RBM25: variants seen among roughly 807,000 people sequenced by gnomAD.
RBM25 encodes the protein RNA-binding protein 25.
In RBM25, 19 loss-of-function variants were observed where a neutral mutation model predicts 120.7. The observed-to-expected ratio is 0.16, with a 90% CI of 0.11 to 0.23. The LOEUF (loss-of-function observed/expected upper bound fraction) is 0.23, where lower values mean the gene tolerates loss of function less well. RBM25 is among the 10% of genes least tolerant of loss of function. RBM25 has a pLI of 1.00. For missense variants in RBM25, 605 were observed against 1,041.5 expected (o/e 0.58, Z 5.77); for synonymous variants, 390 against 326.7 (o/e 1.19, Z -2.09).
At chr14:73,068,680 C>G in intron 1 of RBM25, 1 of 335,612 alleles carries the variant, frequency 3.0e-6, no homozygotes, top group East Asian at 6.9e-5. Flanking sequence ...GCTTCCTTGG[C>G]TGGACTGCAG....
At chr14:73,075,619 CAT>C (rs930896794) in intron 2 of RBM25, among the ~76,000 whole-genome samples, 25 of 152,126 alleles carry the variant, frequency 1.6e-4, no homozygotes, top group African/African-American at 3.9e-4. Flanking sequence ...TTTGAAATAA[CAT>C]ATGTTGTGGA....
rs191820836 is a variant in RBM25 at position 73,105,720 on chromosome 14, A to C, written c.1155-139A>C. 124 of 1,329,672 alleles carry C rather than the reference A, an allele frequency of 9.3e-5. 1 individual carries two copies. The East Asian group carries it at 2.9e-3, about 32-fold the overall frequency. 82.4% of individuals were successfully genotyped at this position (1,329,672 alleles called of 1,614,324 possible). ...TTCTGATGAGTGTAGAGGAGGTTACATAGTTTTATGGAAATCAAGTGCTAG... is the reference window on the plus strand; with the variant it reads ...TTCTGATGAGTGTAGAGGAGGTTACCTAGTTTTATGGAAATCAAGTGCTAG... On this transcript the variant is annotated intron_variant, in intron 10 of 18. Coordinates refer to ENST00000261973, the MANE Select transcript of RBM25 (RefSeq NM_021239.3).
chr14:73,087,959 A>T (rs1408745806), intron 5 of RBM25, 42 bp from the exon 6 acceptor site: 1 of 1,570,666 alleles, frequency 6.4e-7, no homozygotes, highest in Non-Finnish European at 8.6e-7. Context: ...TTTCTTTTGT[A>T]AGTGAATTGG....
In RBM25 at chr14:73,099,396, C is replaced by T; in HGVS notation, c.746C>T (p.Pro249Leu). 1 of 1,600,064 alleles carries T rather than the reference C, an allele frequency of 6.2e-7. No homozygotes were observed. Among genetic ancestry groups the T allele is most frequent in the African/African-American group, 1.4e-5 (1 of 73,746 alleles). ...TTTTCACAGATTTTCCGCAGATTTC[C>T]AGTGGCCCCACTGATCCCTTATCCA... ...EKKEDIFRRF[P>L]VAPLIPYPLI... is the part of the protein sequence containing the mutation. Residue 249 changes from proline (P) to leucine (L), a missense_variant, in exon 8 of 19, where the codon CCA becomes CTA. By Grantham distance (98) the Pro-to-Leu change is moderately conservative. Coordinates refer to ENST00000261973, the MANE Select transcript of RBM25 (RefSeq NM_021239.3).
rs1028072863 is a variant in RBM25 at position 73,110,946 on chromosome 14, A to C, written c.1808A>C (p.Glu603Ala). The change falls in exon 15 of 19, where the codon GAG (glutamate) becomes GCG (alanine). Residue 603 changes from glutamate (E) to alanine (A), a missense_variant. By Grantham distance (107) the Glu-to-Ala change is moderately radical. Around this residue, in one of 4 missense-constraint regions of RBM25, gnomAD observed 465 missense variants for 741.6 expected, o/e 0.63. Transcript: ENST00000261973. ...KEEKREEPME[E>A]EEEPEQKPCL... ...GAAAAACGAGAAGAACCCATGGAAG[A>C]GGAAGAGGAGCCAGAGCAAAAGCCT... is the stretch of plus-strand genomic sequence containing the variant. 4 of 1,612,586 alleles carry C rather than the reference A, an allele frequency of 2.5e-6. No individual in the cohort carries two copies. Among genetic ancestry groups the C allele is most frequent in the Non-Finnish European group, 3.4e-6 (4 of 1,179,220 alleles).
rs556226925 is a variant in RBM25 at position 73,088,398 on chromosome 14, G to A, written c.543+237G>A. The A allele has an allele frequency of 3.8e-4, 240 of 626,650 alleles. 3 individuals carry two copies. Among genetic ancestry groups the A allele is most frequent in the South Asian group, 3.6e-3 (238 of 66,240 alleles). The allele number at this position is 626,650 out of a possible 1,614,324, so 38.8% of individuals were successfully genotyped here. A position where few individuals can be genotyped will look rare whatever the true frequency, so the allele number is the denominator to read the frequency against. On this transcript the variant is annotated intron_variant, in intron 6 of 18. Coordinates refer to ENST00000261973, the MANE Select transcript of RBM25 (RefSeq NM_021239.3). ...GGGATGAAAGTAGTAAGGGAGGCTGGACAAGGTTAACTTGCCAGAGAAAGC... is the reference window on the plus strand; with the variant it reads ...GGGATGAAAGTAGTAAGGGAGGCTGAACAAGGTTAACTTGCCAGAGAAAGC...
chr14:73,104,914 A>G (rs1028266371), intron 10 of RBM25, among the ~76,000 whole-genome samples: 1 of 152,110 alleles, frequency 6.6e-6, no homozygotes, highest in African/African-American at 2.4e-5. Context: ...AGTAGGCATT[A>G]AAATTATTTC....
rs573136943 is a variant in RBM25 at position 73,070,697 on chromosome 14, C to A, written c.-15-930C>A. On this transcript the variant is annotated intron_variant, in intron 1 of 18. Transcript: ENST00000261973. ...GGCGCGGTGGCTCAGGCCTGTAATC[C>A]TAGCGCTTTGGGAAGCTGAGTCAGG... Among the ~76,000 whole-genome samples the A allele has an allele frequency of 2.6e-5, 4 of 152,212 alleles. No homozygotes were observed. In the South Asian group the frequency reaches 8.3e-4, roughly 32 times the overall value.
At chr14:73,095,554 C>G (rs936328485) in intron 6 of RBM25, among the ~76,000 whole-genome samples, 8 of 151,498 alleles carry the variant, frequency 5.3e-5, no homozygotes, top group African/African-American at 1.9e-4. Context: ...TTGCAGTGAG[C>G]TGAGATCACG....
In RBM25 at chr14:73,114,483, A is replaced by C. The variant is rs555424095; in HGVS notation, c.2439+150A>C. ...GTGATCCTCCTGCCTCAGCCTCCCA[A>C]AGTGTTGAGATTACAGGCATCAGCC... On this transcript the variant is annotated intron_variant, in intron 18 of 18. Transcript: ENST00000261973. 38 of 511,852 alleles carry C rather than the reference A, an allele frequency of 7.4e-5. No individual in the cohort carries two copies. In the South Asian group the frequency reaches 1.2e-3, roughly 17 times the overall value. 31.7% of individuals were successfully genotyped at this position (511,852 alleles called of 1,614,324 possible). A position where few individuals can be genotyped will look rare whatever the true frequency, so the allele number is the denominator to read the frequency against.
chr14:73,115,553 G>A (rs973174754), intron 18 of RBM25, among the ~76,000 whole-genome samples: 5 of 152,094 alleles, frequency 3.3e-5, no homozygotes, highest in Non-Finnish European at 5.9e-5. Context: ...TTTTTGGACA[G>A]GTATCCAAAC....
chr14:73,096,932 T>C lies in RBM25; in HGVS notation c.561T>C (p.Thr187=), dbSNP rs367772590. The change falls in exon 7 of 19, where the codon ACT becomes ACC. Residue 187 remains threonine (T), a synonymous_variant. Transcript: ENST00000261973. ...TGTTTAAGAATGCAAGGCCAGAAAC[T>C]GTCACTAATGACGATGAAGAAGCCT... is the stretch of plus-strand genomic sequence containing the variant. ...KASNGNARPE[T]VTNDDEEALD... is the part of the protein sequence containing the mutation. The C allele has an allele frequency of 5.0e-5, 80 of 1,612,110 alleles. No homozygotes were observed. Among genetic ancestry groups the C allele is most frequent in the Non-Finnish European group, 6.7e-5 (79 of 1,179,656 alleles).
intron 2 of RBM25, 117 bp from the exon 3 acceptor site, chr14:73,076,202 T>C (rs369533198): frequency 2.5e-5 from 22 of 869,602 alleles, no homozygotes; most frequent in East Asian, 1.5e-4. Context: ...AGTATTTCAC[T>C]TTCATTTGTC....
At chr14:73,095,937 A>G (rs533332452) in intron 6 of RBM25, among the ~76,000 whole-genome samples, 30 of 152,134 alleles carry the variant, frequency 2.0e-4, no homozygotes, top group Non-Finnish European at 3.2e-4. Context: ...GAAGCCAACA[A>G]TTTTCCCCAC....
chr14:73,084,436 T>C (rs1895636557), intron 5 of RBM25, among the ~76,000 whole-genome samples: 1 of 152,194 alleles, frequency 6.6e-6, no homozygotes, highest in Non-Finnish European at 1.5e-5. Context: ...TTAAGTTGAG[T>C]TTTGCTGAAT....
At chr14:73,098,670 TCTCA>T (rs1459967037) in intron 7 of RBM25, among the ~76,000 whole-genome samples, 1 of 151,800 alleles carries the variant, frequency 6.6e-6, no homozygotes, top group East Asian at 1.9e-4. Context: ...CAAGACGGAG[TCTCA>T]CTCACTTGCC....
chr14:73,112,202 A>G lies in RBM25; in HGVS notation c.2343A>G (p.Glu781=). 6.2e-7 allele frequency: 1 copy of G among 1,608,368 alleles called. No homozygotes were observed. Among genetic ancestry groups the G allele is most frequent in the Non-Finnish European group, 8.5e-7 (1 of 1,178,708 alleles). Residue 781 remains glutamate (E), a synonymous_variant, in exon 17 of 19, where the codon GAA becomes GAG. Coordinates refer to ENST00000261973, the MANE Select transcript of RBM25 (RefSeq NM_021239.3). ...IRPWINKKII[E]YIGEEEATLV... The stretch of plus-strand genomic sequence containing the variant: ...CATGGATTAATAAGAAAATCATAGA[A>G]TATATAGGTGAAGAAGAAGCTACAT...
At chr14:73,085,092 C>T (rs972760275) in intron 5 of RBM25, among the ~76,000 whole-genome samples, 1 of 151,832 alleles carries the variant, frequency 6.6e-6, no homozygotes, top group Admixed American at 6.6e-5. Context: ...AATCTTGGCT[C>T]ACTGCAATCT....
At chr14:73,088,470 TGTAA>T (rs758340137) in intron 6 of RBM25, 4 of 488,896 alleles carry the variant, frequency 8.2e-6, no homozygotes, top group Non-Finnish European at 1.6e-5. Flanking sequence ...AAGGCAGCTT[TGTAA>T]GTAAGTACAA....
Sources: allele counts gnomAD v4.1 joint callset (sites outside exome capture counted in the v4.1 genomes callset), GRCh38; gene constraint gnomAD v4.1.1; regional missense constraint gnomAD v4.1.1; transcripts MANE v1.5; gene names NCBI Gene and HGNC (gene_info 2026-07-23, HGNC 2026-07-21).